The following DGKZ variants were observed in gnomAD, a reference collection of about 807,000 sequenced individuals.
The protein encoded by DGKZ is DAG kinase zeta.
A neutral mutation model predicts 142.5 loss-of-function variants in DGKZ; 45 were observed. The observed-to-expected ratio is 0.32, with a 90% CI of 0.25 to 0.40. DGKZ has a LOEUF of 0.40. Among genes scored for constraint, DGKZ ranks in the 10% least tolerant of loss-of-function variants. The pLI is 1.00. For synonymous variants in DGKZ, 442 were observed against 527.0 expected (o/e 0.84, Z 2.21); for missense variants, 755 against 1,306.5 (o/e 0.58, Z 6.51).
chr11:46,366,348 GC>G, intron 1 of DGKZ: 1 of 1,540,624 alleles, frequency 6.5e-7, no homozygotes. Flanking sequence ...CTGCCCACAG[GC>G]AAGGCCCGGC....
chr11:46,352,854 G>A (rs1011891108), intron 1 of DGKZ, among the ~76,000 whole-genome samples: 3 of 152,370 alleles, frequency 2.0e-5, no homozygotes, highest in African/African-American at 7.2e-5. Context: ...AGCCTGCAGT[G>A]TGGGTTTCAG....
intron 6 of DGKZ, among the ~76,000 whole-genome samples, chr11:46,370,604 A>C (rs1052007153): frequency 1.3e-5 from 2 of 152,080 alleles, no homozygotes; most frequent in Non-Finnish European, 2.9e-5. Context: ...TTAACAGCAC[A>C]TGGGGGTCTG....
Position 46,347,812 on chromosome 11 carries a change from C to T in DGKZ, c.153C>T (p.Phe51=), listed in dbSNP as rs978055793. The change falls in exon 1 of 31, where the codon TTC becomes TTT. Residue 51 remains phenylalanine, a synonymous_variant. Transcript: ENST00000527911. This position sits in a 1 kb window ranked among gnomAD's most constrained non-coding sequence, Gnocchi z 6.4. ...GGCGCTTCCCGGGGCTGCGGCTCTT[C>T]GGGCACAGGTGAGCGGGGCGGCGGC... 2 of 1,307,858 alleles carry T rather than the reference C, an allele frequency of 1.5e-6. No homozygotes were observed. The highest frequency in any genetic ancestry group is 3.1e-5 in the African/African-American group (2 of 64,580). The allele number at this position is 1,307,858 out of a possible 1,614,324, so 81.0% of individuals were successfully genotyped here.
At chr11:46,379,788 C>G in intron 30 of DGKZ, 43 bp from the exon 31 acceptor site, 1 of 1,557,256 alleles carries the variant, frequency 6.4e-7, no homozygotes, top group Non-Finnish European at 8.7e-7. Flanking sequence ...AGGGGTTAGG[C>G]CTGCCTCTGG....
At chr11:46,371,438 C>T in intron 7 of DGKZ, 49 bp from the exon 8 acceptor site, 7 of 1,608,586 alleles carry the variant, frequency 4.4e-6, no homozygotes, top group Non-Finnish European at 5.9e-6. Flanking sequence ...GGTTTGGGTC[C>T]CCGAGTCTGA....
downstream of DGKZ, chr11:46,380,303 T>C (rs1277997485): frequency 5.7e-6 from 1 of 174,514 alleles, no homozygotes; most frequent in East Asian, 1.6e-4. Context: ...AGAGGCTTCC[T>C]GGGCCCCCTG....
chr11:46,369,827 C>G (rs1006468127), intron 5 of DGKZ, 114 bp from the exon 6 acceptor site: 1 of 1,152,754 alleles, frequency 8.7e-7, no homozygotes, highest in Non-Finnish European at 1.3e-6. Flanking sequence ...TCCACTCATG[C>G]GCAGGACTGC....
chr11:46,343,173 C>T (rs184186796), upstream of DGKZ, among the ~76,000 whole-genome samples: 1 of 152,008 alleles, frequency 6.6e-6, no homozygotes, highest in East Asian at 1.9e-4. Flanking sequence ...ACAAGATCTA[C>T]CTCCTAGAGT....
intron 1 of DGKZ, chr11:46,364,607 A>G (rs940243943): frequency 1.0e-6 from 1 of 985,234 alleles, no homozygotes; most frequent in Admixed American, 6.2e-5. Context: ...AGGCACCTCC[A>G]CCCTGTCCAT....
chr11:46,378,253 C>T (rs1225151215), intron 26 of DGKZ, 24 bp downstream of exon 26: 1 of 1,597,218 alleles, frequency 6.3e-7, no homozygotes, highest in Admixed American at 1.7e-5. Context: ...CTCTGGGGCC[C>T]CTCCTTTCTG....
chr11:46,352,131 C>G (rs1276877491), intron 1 of DGKZ, among the ~76,000 whole-genome samples: 1 of 152,232 alleles, frequency 6.6e-6, no homozygotes, highest in Non-Finnish European at 1.5e-5. Context: ...CAGTGGCCCC[C>G]CCGGGGCAGA....
intron 1 of DGKZ, among the ~76,000 whole-genome samples, chr11:46,339,864 A>G (rs1940192056): frequency 6.6e-6 from 1 of 152,238 alleles, no homozygotes; most frequent in Admixed American, 6.5e-5. Context: ...GACAAGGGTT[A>G]GTACCAACTG....
chr11:46,345,327 C>T (rs1029649568), upstream of DGKZ: 15 of 1,383,534 alleles, frequency 1.1e-5, no homozygotes, highest in African/African-American at 4.6e-5. This position sits in a 1 kb window ranked among gnomAD's most constrained non-coding sequence, Gnocchi z 4.1. Context: ...TCAGCTTGGG[C>T]GGCCAGCGGC....
chr11:46,375,337 C>G (rs1944416658), intron 19 of DGKZ, 95 bp from the exon 20 acceptor site: 1 of 1,392,262 alleles, frequency 7.2e-7, no homozygotes, highest in East Asian at 2.5e-5. Flanking sequence ...CACCTTTGTT[C>G]TCTGGCTAGA....
At chr11:46,352,157 A>G (rs143304447) in intron 1 of DGKZ, among the ~76,000 whole-genome samples, 104 of 152,338 alleles carry the variant, frequency 6.8e-4, no homozygotes, top group African/African-American at 2.4e-3. Flanking sequence ...AAGTGGAGTC[A>G]TAGGTTAGCC....
upstream of DGKZ, among the ~76,000 whole-genome samples, chr11:46,343,187 T>G (rs1940361791): frequency 6.6e-6 from 1 of 151,932 alleles, no homozygotes; most frequent in Non-Finnish European, 1.5e-5. Context: ...CTAGAGTCAT[T>G]AAGAGGATTC....
chr11:46,349,373 G>C (rs1941082400), intron 1 of DGKZ, among the ~76,000 whole-genome samples: 1 of 152,154 alleles, frequency 6.6e-6, no homozygotes, highest in African/African-American at 2.4e-5. Flanking sequence ...GCTTCCTGTT[G>C]CTGCCCACAG....
At chr11:46,379,110 C>T (rs780315390) in exon 28 of DGKZ, 10 of 1,608,136 alleles carry the variant, frequency 6.2e-6, no homozygotes, top group Middle Eastern at 1.8e-4. Context: ...TGCTGGACCA[C>T]GGTGAGCCGG....
upstream of DGKZ, chr11:46,345,484 G>A (rs561415764): frequency 6.6e-5 from 100 of 1,508,598 alleles, no homozygotes; most frequent in Admixed American, 2.6e-4. This position sits in a 1 kb window ranked among gnomAD's most constrained non-coding sequence, Gnocchi z 4.1. Context: ...CAGTGGAGGC[G>A]CTGGGGACGG....
Sources: gnomAD v4.1 joint callset for allele counts (sites outside exome capture counted in the v4.1 genomes callset) on GRCh38, gnomAD v4.1.1 for gene constraint, Gnocchi (gnomAD v3.1) non-coding constraint, MANE v1.5 for transcripts, NCBI Gene and HGNC (gene_info 2026-07-23, HGNC 2026-07-21) for gene names.